The following ANXA2 variants were observed in gnomAD, a reference collection of about 807,000 sequenced individuals.
ANXA2 encodes the protein annexin A2.
A neutral mutation model predicts 47.3 loss-of-function variants in ANXA2; 28 were observed. The ratio of observed to expected loss-of-function variants is 0.59; its 90% CI spans 0.44 to 0.81. The LOEUF (loss-of-function observed/expected upper bound fraction) is 0.81. Ranked by LOEUF, ANXA2 falls within the 40% of genes least tolerant of loss-of-function variation. The pLI is 0.00. For synonymous variants in ANXA2, 172 were observed against 155.5 expected (o/e 1.11, Z -0.79); for missense variants, 384 against 414.3 (o/e 0.93, Z 0.64).
At chr15:60,397,789 C>A in intron 1 of ANXA2, 154 bp downstream of exon 1, 1 of 1,242,982 alleles carries the variant, frequency 8.0e-7, no homozygotes, top group Non-Finnish European at 1.0e-6. Flanking sequence ...CCCAAAGACT[C>A]TCCAGTGCCG....
intron 3 of ANXA2, among the ~76,000 whole-genome samples, chr15:60,365,380 T>C (rs921780856): frequency 2.0e-5 from 3 of 152,208 alleles, no homozygotes; most frequent in African/African-American, 4.8e-5. Flanking sequence ...GCACAGTTTG[T>C]AAATTCAGAA....
At chr15:60,373,608 G>C (rs535310843) in intron 3 of ANXA2, among the ~76,000 whole-genome samples, 1 of 152,282 alleles carries the variant, frequency 6.6e-6, no homozygotes, top group Non-Finnish European at 1.5e-5. Flanking sequence ...AGATGCCAGG[G>C]GAGGCCTCTG....
rs779712643 is a variant in ANXA2, at chr15:60,352,514, T to C, written c.589-38A>G. On this transcript the variant is annotated intron_variant, in intron 8 of 12. Transcript: ENST00000451270. The surrounding 1 kb of genome is among the most constrained non-coding windows in gnomAD (Gnocchi z 4.2). ...CCAACCAGGAAAAGTTAACTACACA[T>C]CCAATGTAACGTCAAAAAAAATGTC... 9 of 1,432,108 alleles carry C rather than the reference T, an allele frequency of 6.3e-6. No individual in the cohort carries two copies. Among genetic ancestry groups the C allele is most frequent in the Non-Finnish European group, 8.7e-6 (9 of 1,029,144 alleles). The allele number at this position is 1,432,108 out of a possible 1,614,324, so 88.7% of individuals were successfully genotyped here.
chr15:60,388,542 T>G (rs1039127879), intron 1 of ANXA2, among the ~76,000 whole-genome samples: 12 of 152,108 alleles, frequency 7.9e-5, no homozygotes, highest in South Asian at 2.1e-4. Context: ...CTATGATATG[T>G]TGAATATATC....
At chr15:60,367,239 G>C (rs1266619787) in intron 3 of ANXA2, among the ~76,000 whole-genome samples, 1 of 120,872 alleles carries the variant, frequency 8.3e-6, no homozygotes, top group East Asian at 2.6e-4. Context: ...CCCCCCGCCC[G>C]GCCAGCCGCC....
Position 60,364,770 on chromosome 15 carries a change from TA to T in ANXA2, c.149-248del, listed in dbSNP as rs563732705. On this transcript the variant is annotated intron_variant, in intron 3 of 12. Transcript: ENST00000451270. ...ATGGACCTTTTAAATACTTGTGGTT[TA>T]AAAACTATTTTATTCATAAATTGGT... Among the ~76,000 whole-genome samples the T allele has an allele frequency of 5.3e-5, 8 of 152,208 alleles. No individual in the cohort carries two copies. In the South Asian group the frequency reaches 1.0e-3, roughly 20 times the overall value.
chr15:60,361,182 C>T, intron 4 of ANXA2, 128 bp from the exon 5 acceptor site: 2 of 680,838 alleles, frequency 2.9e-6, no homozygotes, highest in African/African-American at 1.8e-5. Flanking sequence ...AGTCTTGGGT[C>T]AAACGCCCTC....
intron 3 of ANXA2, among the ~76,000 whole-genome samples, chr15:60,380,719 A>G (rs111753612): frequency 0.016 from 2,325 of 142,550 alleles, 54 homozygotes; most frequent in African/African-American, 0.059. Flanking sequence ...CAGAAGAATC[A>G]CTTGAGCCCG....
chr15:60,365,591 G>C (rs575776996), intron 3 of ANXA2, among the ~76,000 whole-genome samples: 199 of 152,312 alleles, frequency 1.3e-3, no homozygotes, highest in African/African-American at 4.7e-3. Flanking sequence ...TAACGCTTGA[G>C]ACAAAGACAA....
chr15:60,350,749 C>T (rs974735507), intron 11 of ANXA2, among the ~76,000 whole-genome samples: 1 of 136,850 alleles, frequency 7.3e-6, no homozygotes, highest in African/African-American at 2.9e-5. Flanking sequence ...TTCTGAGCTC[C>T]ATCTCTGCAT....
At chr15:60,384,615 A>C (rs1267898508) in intron 2 of ANXA2, 1 of 152,238 alleles carries the variant, frequency 6.6e-6, no homozygotes, top group Non-Finnish European at 1.5e-5. Flanking sequence ...ATTATTTAGC[A>C]CCTGAATTTG....
At chr15:60,357,799 A>C (rs1483868240) in intron 5 of ANXA2, among the ~76,000 whole-genome samples, 8 of 152,134 alleles carry the variant, frequency 5.3e-5, no homozygotes, top group African/African-American at 1.9e-4. Flanking sequence ...ATCTCAAAAA[A>C]AAAAAAAAGT....
At chr15:60,388,033 C>T (rs2062956708) in intron 1 of ANXA2, among the ~76,000 whole-genome samples, 1 of 151,860 alleles carries the variant, frequency 6.6e-6, no homozygotes, top group Non-Finnish European at 1.5e-5. Context: ...ACTAAAAATA[C>T]AAAAATTAGC....
At chr15:60,382,096 G>A (rs2062869419) in intron 3 of ANXA2, among the ~76,000 whole-genome samples, 1 of 151,022 alleles carries the variant, frequency 6.6e-6, no homozygotes, top group South Asian at 2.1e-4. Flanking sequence ...GCAGGAAGAA[G>A]GGAGAAAGAG....
intron 5 of ANXA2, 39 bp downstream of exon 5, chr15:60,360,902 T>C (rs1049237990): frequency 2.3e-6 from 3 of 1,281,706 alleles, no homozygotes; most frequent in African/African-American, 2.9e-5. Context: ...ACAAAATTAA[T>C]AGCAGATTTG....
At chr15:60,354,588 C>G (rs1011435209) in intron 7 of ANXA2, among the ~76,000 whole-genome samples, 2 of 141,416 alleles carry the variant, frequency 1.4e-5, no homozygotes, top group Non-Finnish European at 3.0e-5. Context: ...CCACTGCACT[C>G]CAACCCTGGT....
rs376190556 is a variant in ANXA2 at position 60,349,064 on chromosome 15, C to G, written c.960+11G>C. On this transcript the variant is annotated intron_variant, in intron 12 of 12. Transcript: ENST00000451270. ...ACGGCAGGGCAGGCTGACACTGCAC[C>G]TCGGGCTTACCTGGATATAATAGTA... 152 of 1,613,740 alleles carry G rather than the reference C, an allele frequency of 9.4e-5. No homozygotes were observed. Among genetic ancestry groups the G allele is most frequent in the Non-Finnish European group, 1.2e-4 (146 of 1,179,940 alleles).
chr15:60,391,013 G>A (rs963297712), intron 1 of ANXA2: 4 of 152,488 alleles, frequency 2.6e-5, no homozygotes, highest in South Asian at 2.1e-4. Flanking sequence ...ATTAATCAAC[G>A]AACCCATACC....
At chr15:60,397,783 A>G (rs2063101682) in intron 1 of ANXA2, 160 bp downstream of exon 1, 5 of 1,197,774 alleles carry the variant, frequency 4.2e-6, no homozygotes, top group Non-Finnish European at 3.2e-6. Context: ...CCCCTCCCCA[A>G]AGACTCTCCA....
Sources: gnomAD v4.1 joint callset for allele counts (sites outside exome capture counted in the v4.1 genomes callset) on GRCh38, gnomAD v4.1.1 for gene constraint, Gnocchi (gnomAD v3.1) non-coding constraint, MANE v1.5 for transcripts, NCBI Gene and HGNC (gene_info 2026-07-23, HGNC 2026-07-21) for gene names.